GYS2: variants seen among roughly 807,000 people sequenced by gnomAD.
GYS2 encodes glycogen [starch] synthase, liver.
Under a neutral mutation model 85.6 loss-of-function variants are expected in GYS2, and 80 were observed. The observed-to-expected ratio is 0.93, with a 90% CI of 0.78 to 1.13. The LOEUF (loss-of-function observed/expected upper bound fraction) is 1.13. GYS2 is among the 50% of genes most tolerant of loss of function. The pLI, the probability that GYS2 is intolerant of heterozygous loss-of-function variation, is 0.00. For synonymous variants in GYS2, 328 were observed against 300.7 expected (o/e 1.09, Z -0.94); for missense variants, 881 against 854.9 (o/e 1.03, Z -0.38).
chr12:21,584,219 TTATTCA>T (rs1165011345), intron 1 of GYS2, among the ~76,000 whole-genome samples: 1 of 152,202 alleles, frequency 6.6e-6, no homozygotes, highest in Non-Finnish European at 1.5e-5. Context: ...GATTATATAC[TTATTCA>T]TGGGCTGTAG....
intron 15 of GYS2, 112 bp from the exon 16 acceptor site, chr12:21,537,287 T>C: frequency 6.5e-6 from 5 of 770,640 alleles, no homozygotes; most frequent in Non-Finnish European, 6.8e-6. Context: ...TCTTTTGTAG[T>C]CTGGGTGCTA....
intron 2 of GYS2, 102 bp from the exon 3 acceptor site, chr12:21,576,159 CA>C: frequency 1.1e-6 from 1 of 877,280 alleles, no homozygotes; most frequent in Non-Finnish European, 1.9e-6. Context: ...TACTCAATAG[CA>C]AATTAAACAA....
intron 1 of GYS2, among the ~76,000 whole-genome samples, chr12:21,582,691 C>T (rs1944526546): frequency 6.6e-6 from 1 of 151,810 alleles, no homozygotes; most frequent in Non-Finnish European, 1.5e-5. Context: ...GATTTTGGTA[C>T]CAGGAGTGGT....
At chr12:21,593,121 A>C (rs532679552) in intron 1 of GYS2, among the ~76,000 whole-genome samples, 2 of 152,178 alleles carry the variant, frequency 1.3e-5, no homozygotes, top group South Asian at 4.1e-4. Flanking sequence ...GCCATGGGAT[A>C]CAGCAAAAGC....
At chr12:21,594,953 C>A (rs1245597009) in intron 1 of GYS2, among the ~76,000 whole-genome samples, 1 of 152,056 alleles carries the variant, frequency 6.6e-6, no homozygotes, top group Non-Finnish European at 1.5e-5. Flanking sequence ...ATATTTATAG[C>A]CAACAGATTT....
At chr12:21,554,808 T>C (rs969146909) in intron 11 of GYS2, among the ~76,000 whole-genome samples, 1 of 152,196 alleles carries the variant, frequency 6.6e-6, no homozygotes, top group Admixed American at 6.5e-5. Context: ...TACGTATGTT[T>C]AGGAAATAAG....
At chr12:21,580,234 G>A (rs1944493385) in intron 2 of GYS2, 108 bp downstream of exon 2, 1 of 1,024,874 alleles carries the variant, frequency 9.8e-7, no homozygotes, top group South Asian at 1.3e-5. Context: ...AAACCTGAAA[G>A]TTTTCCTTAA....
chr12:21,540,844 T>C (rs547035344), intron 13 of GYS2, among the ~76,000 whole-genome samples: 1 of 152,130 alleles, frequency 6.6e-6, no homozygotes, highest in South Asian at 2.1e-4. Flanking sequence ...CTCCATGGGG[T>C]TGCTCACTAA....
chr12:21,539,488 A>T (rs1197007302), intron 14 of GYS2, 150 bp from the exon 15 acceptor site: 8 of 673,758 alleles, frequency 1.2e-5, no homozygotes, highest in Non-Finnish European at 1.9e-5. Flanking sequence ...GAGACTCAGG[A>T]AAGAAATTAC....
At chr12:21,556,845 C>T (rs2136869399) in intron 11 of GYS2, among the ~76,000 whole-genome samples, 1 of 152,248 alleles carries the variant, frequency 6.6e-6, no homozygotes, top group South Asian at 2.1e-4. Context: ...TTTGTAAAAA[C>T]ATCAAAGGGA....
rs144077289 is a variant in GYS2, at chr12:21,580,346, C to T, written c.299G>A (p.Cys100Tyr). 5.0e-6 allele frequency: 8 copies of T among 1,612,840 alleles called. No individual in the cohort carries two copies. The highest frequency in any genetic ancestry group is 6.8e-6 in the Non-Finnish European group (8 of 1,179,188). Residue 100 changes from cysteine to tyrosine, a missense_variant, in exon 2 of 16, where the codon TGC becomes TAC. Cys to Tyr is a radical substitution (Grantham distance 194, BLOSUM62 -2). Transcript: ENST00000261195. ...RAVDAMNKHG[C>Y]QVHFGRWLIE... ...GTGAAGTGTCAGTTCCTTTACCTGGCAGCCATGCTTATTCATTGCGTCCAC... is the reference window on the plus strand; with the variant it reads ...GTGAAGTGTCAGTTCCTTTACCTGGTAGCCATGCTTATTCATTGCGTCCAC...
At chr12:21,594,631 T>C (rs749373694) in intron 1 of GYS2, among the ~76,000 whole-genome samples, 2 of 152,152 alleles carry the variant, frequency 1.3e-5, no homozygotes, top group Admixed American at 1.3e-4. Context: ...CCTATGTTCA[T>C]GGATCAGAAA....
At chr12:21,538,254 G>T (rs772997476) in intron 15 of GYS2, among the ~76,000 whole-genome samples, 1 of 152,026 alleles carries the variant, frequency 6.6e-6, no homozygotes, top group Non-Finnish European at 1.5e-5. Context: ...CCTTTTTTAC[G>T]GGCAAATTTT....
Position 21,539,347 on chromosome 12 carries a change from A to G in GYS2, c.1810-9T>C, listed in dbSNP as rs201719569. Reference sequence around the variant, plus strand: ...CTGGCATGCTGGTAATACTATTGATAGAAAGCCAAATCACAGGTTAATAAA... The same window carrying G: ...CTGGCATGCTGGTAATACTATTGATGGAAAGCCAAATCACAGGTTAATAAA... On this transcript the variant is annotated splice_polypyrimidine_tract_variant and intron_variant, in intron 14 of 15. Transcript: ENST00000261195. The G allele has an allele frequency of 1.0e-5, 16 of 1,529,034 alleles. No homozygotes were observed. 94.7% of individuals were successfully genotyped at this position (1,529,034 alleles called of 1,614,324 possible).
rs537516474 is a variant in GYS2, at chr12:21,592,161, A to AAGAG, written c.122-11642_122-11639dup. On this transcript the variant is annotated intron_variant, in intron 1 of 15. Coordinates refer to ENST00000261195, the MANE Select transcript of GYS2 (RefSeq NM_021957.4). Reference sequence around the variant, plus strand: ...ATAATAAGAAAGAAAGAAAGAAAGAAAGAGAGAGAGAGAGAGAATGAAAGA... The same window carrying AAGAG: ...ATAATAAGAAAGAAAGAAAGAAAGAAAGAGAGAGAGAGAGAGAGAGAATGAAAGA... 1.9e-3 allele frequency among the ~76,000 whole-genome samples: 282 copies of AAGAG among 150,546 alleles called. 1 individual carries two copies. The highest frequency in any genetic ancestry group is 3.4e-3 in the African/African-American group (138 of 41,186).
chr12:21,581,145 G>A lies in GYS2; in HGVS notation c.122-622C>T, dbSNP rs556265785. On this transcript the variant is annotated intron_variant, in intron 1 of 15. Coordinates refer to ENST00000261195, the MANE Select transcript of GYS2 (RefSeq NM_021957.4). Reference sequence around the variant, plus strand: ...ATGTCAAATCCAATAACACAAATACGTATTTCATTCTCACATGGTATTTCT... The same window carrying A: ...ATGTCAAATCCAATAACACAAATACATATTTCATTCTCACATGGTATTTCT... 2.7e-4 allele frequency among the ~76,000 whole-genome samples: 41 copies of A among 152,262 alleles called. No individual in the cohort carries two copies. In the South Asian group the frequency reaches 3.1e-3, roughly 12 times the overall value.
At chr12:21,555,719 G>A (rs1335039916) in intron 11 of GYS2, among the ~76,000 whole-genome samples, 1 of 152,032 alleles carries the variant, frequency 6.6e-6, no homozygotes, top group African/African-American at 2.4e-5. Flanking sequence ...TTCCTTCCCT[G>A]TTTATATAAA....
In GYS2 at chr12:21,563,352, A is replaced by T. The variant is rs766539333; in HGVS notation, c.824-7T>A. The T allele has an allele frequency of 7.4e-7, 1 of 1,359,674 alleles. No individual in the cohort carries two copies. Among genetic ancestry groups the T allele is most frequent in the Admixed American group, 1.7e-5 (1 of 59,748 alleles). 84.2% of individuals were successfully genotyped at this position (1,359,674 alleles called of 1,614,324 possible). On this transcript the variant is annotated splice_region_variant and splice_polypyrimidine_tract_variant and intron_variant, in intron 5 of 15. Coordinates refer to ENST00000261195, the MANE Select transcript of GYS2 (RefSeq NM_021957.4). ...CCGTTTGGAGTAACTACATCTAGAA[A>T]GGCAAAACAAAATTATTATGAAAAT...
Position 21,536,988 on chromosome 12 carries a change from C to T in GYS2, c.2078G>A (p.Gly693Glu), listed in dbSNP as rs1475651736. The T allele has an allele frequency of 6.2e-7, 1 of 1,613,784 alleles. No homozygotes were observed. The highest frequency in any genetic ancestry group is 1.7e-5 in the Admixed American group (1 of 60,002). Residue 693 changes from glycine (G) to glutamate (E), a missense_variant, in exon 16 of 16, where the codon GGG (glycine) becomes GAG (glutamate). Transcript: ENST00000261195. ...SPFSLSHVPHGKKKLHGEYKN is the reference protein window; with the variant it reads ...SPFSLSHVPHEKKKLHGEYKN ...ATATTCACCATGCAGCTTTTTCTTC[C>T]CATGAGGAACGTGGCTCAGTGAAAA... is the stretch of plus-strand genomic sequence containing the variant.
Sources: gnomAD v4.1 joint callset for allele counts (sites outside exome capture counted in the v4.1 genomes callset) on GRCh38, gnomAD v4.1.1 for gene constraint, MANE v1.5 for transcripts, NCBI Gene and HGNC (gene_info 2026-07-23, HGNC 2026-07-21) for gene names.